The following MTPAP variants were observed in gnomAD, a reference collection of about 807,000 sequenced individuals.
The protein encoded by MTPAP is poly(A) RNA polymerase, mitochondrial.
MTPAP carries 23 observed loss-of-function variants against 48.7 expected under a neutral mutation model. The ratio of observed to expected loss-of-function variants is 0.47; its 90% CI spans 0.34 to 0.67. The LOEUF (loss-of-function observed/expected upper bound fraction) is 0.67, where lower values mean the gene tolerates loss of function less well. Among genes scored for constraint, MTPAP ranks in the 30% least tolerant of loss-of-function variants. MTPAP has a pLI of 0.01. For synonymous variants in MTPAP, 257 were observed against 254.1 expected (o/e 1.01, Z -0.11); for missense variants, 614 against 694.3 (o/e 0.88, Z 1.30).
At chr10:30,346,975 A>G (rs1398347517) in intron 1 of MTPAP, among the ~76,000 whole-genome samples, 4 of 152,326 alleles carry the variant, frequency 2.6e-5, no homozygotes, top group East Asian at 3.9e-4. Context: ...GAAAATGAAA[A>G]TATCTCACAC....
chr10:30,326,923 T>C (rs975237179), intron 4 of MTPAP, among the ~76,000 whole-genome samples: 6 of 152,172 alleles, frequency 3.9e-5, no homozygotes, highest in Non-Finnish European at 7.3e-5. Flanking sequence ...GAATCATAAA[T>C]ACTATGCATA....
intron 6 of MTPAP, 102 bp downstream of exon 6, chr10:30,322,289 T>C: frequency 2.9e-6 from 3 of 1,050,718 alleles, no homozygotes; most frequent in East Asian, 2.5e-5. Flanking sequence ...AGACAAATTT[T>C]ATGACTAATA....
chr10:30,326,368 C>T (rs1352315095), intron 5 of MTPAP, 56 bp downstream of exon 5: 6 of 1,466,062 alleles, frequency 4.1e-6, no homozygotes, highest in Non-Finnish European at 5.7e-6. Context: ...GTGAGAAACA[C>T]TAAGCTAATA....
At position 30,340,620 on chromosome 10, in the gene MTPAP, G is replaced by T. The variant is rs2252246; in HGVS notation, c.331-170C>A. ...TTAATTTTATTCAATTTAAGTAGAT[G>T]AAGAAAAGGAACACTGGGCCGGGCG... On this transcript the variant is annotated intron_variant, in intron 2 of 8. Coordinates refer to ENST00000263063, the MANE Select transcript of MTPAP (RefSeq NM_018109.4). Among the ~76,000 whole-genome samples the T allele has an allele frequency of 0.96, 145,693 of 152,254 alleles. 70,008 individuals carry two copies. The highest frequency in any genetic ancestry group is 1 in the Non-Finnish European group (67,950 of 68,042).
intron 1 of MTPAP, 40 bp downstream of exon 1, chr10:30,349,079 C>A: frequency 6.2e-7 from 1 of 1,613,592 alleles, no homozygotes; most frequent in Non-Finnish European, 8.5e-7. Flanking sequence ...ACTCCTCGCC[C>A]GCTGTGGGAC....
At chr10:30,318,404 T>C (rs12268444) in intron 6 of MTPAP, among the ~76,000 whole-genome samples, 3,791 of 152,336 alleles carry the variant, frequency 0.025, 141 homozygotes, top group African/African-American at 0.086. Context: ...TACTTAGATC[T>C]ATTTTTAAGG....
chr10:30,320,449 G>A (rs1311304515), intron 6 of MTPAP, among the ~76,000 whole-genome samples: 1 of 152,160 alleles, frequency 6.6e-6, no homozygotes, highest in Non-Finnish European at 1.5e-5. Context: ...GTGAGCCCGG[G>A]AGGTCGAGGC....
In MTPAP at chr10:30,322,415, G is replaced by T. The variant is rs761294540; in HGVS notation, c.1195C>A (p.Leu399Ile). ...CCTGCTAGGGTTTTTAAGGAATCTA[G>T]TGTTGGAAGAATAGGGGGTGATCTT... ...QRRSPPILPT[L>I]DSLKTLADAE... Residue 399 changes from leucine to isoleucine, a missense_variant, in exon 6 of 9, where the codon CTA (leucine) becomes ATA (isoleucine). Leu to Ile is a conservative substitution (Grantham distance 5). Coordinates refer to ENST00000263063, the MANE Select transcript of MTPAP (RefSeq NM_018109.4). 6.8e-6 allele frequency: 11 copies of T among 1,610,646 alleles called. No individual in the cohort carries two copies. In the East Asian group the frequency reaches 2.2e-4, roughly 33 times the overall value.
intron 4 of MTPAP, among the ~76,000 whole-genome samples, chr10:30,331,937 G>A (rs1165518074): frequency 6.6e-6 from 1 of 152,134 alleles, no homozygotes; most frequent in Non-Finnish European, 1.5e-5. Context: ...CATACATAGT[G>A]CCATAAGACA....
chr10:30,334,656 G>A (rs759216097), intron 4 of MTPAP, among the ~76,000 whole-genome samples: 17 of 151,950 alleles, frequency 1.1e-4, no homozygotes, highest in African/African-American at 2.7e-4. Flanking sequence ...GTGAAGCTCC[G>A]TCTTAAAAAA....
At chr10:30,341,434 A>G in intron 2 of MTPAP, 34 bp downstream of exon 2, 1 of 1,599,008 alleles carries the variant, frequency 6.3e-7, no homozygotes, top group Non-Finnish European at 8.5e-7. Context: ...TGAAAAGCAT[A>G]AACGTTAAGT....
intron 4 of MTPAP, 39 bp from the exon 5 acceptor site, chr10:30,326,674 A>T (rs1172771699): frequency 8.7e-6 from 13 of 1,490,018 alleles, no homozygotes; most frequent in African/African-American, 4.2e-5. Flanking sequence ...AGCTTTTGGT[A>T]AAAAAAACAA....
chr10:30,335,038 G>C (rs529942518), intron 4 of MTPAP, among the ~76,000 whole-genome samples: 1 of 152,308 alleles, frequency 6.6e-6, no homozygotes, highest in South Asian at 2.1e-4. Context: ...ACTTTTGTAA[G>C]AACTTAGAAA....
chr10:30,345,324 T>C (rs1037009275), intron 1 of MTPAP, among the ~76,000 whole-genome samples: 6 of 152,226 alleles, frequency 3.9e-5, no homozygotes, highest in Non-Finnish European at 5.9e-5. Context: ...CAAATCTCTA[T>C]TGATAAATAT....
At chr10:30,343,960 A>T (rs999054089) in intron 1 of MTPAP, among the ~76,000 whole-genome samples, 2 of 152,152 alleles carry the variant, frequency 1.3e-5, no homozygotes, top group African/African-American at 2.4e-5. Context: ...GTATCACAAT[A>T]ATCTGACTCC....
chr10:30,342,293 A>G (rs1834820061), intron 1 of MTPAP, among the ~76,000 whole-genome samples: 1 of 152,198 alleles, frequency 6.6e-6, no homozygotes. Context: ...ATTCTAATAT[A>G]CTGTAATAAA....
intron 2 of MTPAP, 102 bp from the exon 3 acceptor site, chr10:30,340,552 T>C: frequency 1.1e-6 from 1 of 878,114 alleles, no homozygotes; most frequent in Non-Finnish European, 1.9e-6. Flanking sequence ...CTACAAAATA[T>C]CAAGTCTTTA....
At chr10:30,325,643 G>A (rs1834576555) in intron 5 of MTPAP, among the ~76,000 whole-genome samples, 1 of 152,086 alleles carries the variant, frequency 6.6e-6, no homozygotes, top group Admixed American at 6.5e-5. Context: ...CTACTTGGGA[G>A]GCTGAGGCAC....
intron 2 of MTPAP, among the ~76,000 whole-genome samples, chr10:30,341,131 G>T (rs979189299): frequency 1.3e-5 from 2 of 151,614 alleles, no homozygotes; most frequent in Non-Finnish European, 2.9e-5. Context: ...AGGATCACCC[G>T]AGCCTAGGAG....
Sources: allele counts gnomAD v4.1 joint callset (sites outside exome capture counted in the v4.1 genomes callset), GRCh38; gene constraint gnomAD v4.1.1; transcripts MANE v1.5; gene names NCBI Gene and HGNC (gene_info 2026-07-23, HGNC 2026-07-21).